The following POU2AF1 variants were observed in gnomAD, a reference collection of about 807,000 sequenced individuals.
POU2AF1 encodes the protein POU domain class 2-associating factor 1.
In POU2AF1, 12 loss-of-function variants were observed where a neutral mutation model predicts 26.3. The observed-to-expected ratio is 0.46, with a 90% CI of 0.29 to 0.74. The LOEUF (loss-of-function observed/expected upper bound fraction) is 0.74. Ranked by LOEUF, POU2AF1 falls within the 30% of genes least tolerant of loss-of-function variation. The probability of loss-of-function intolerance (pLI) is 0.09; values close to 1 mark genes in which losing one functional copy is unlikely to be tolerated. For missense variants in POU2AF1, 297 were observed against 334.5 expected, an observed-to-expected ratio of 0.89 and a Z score of 0.87; for synonymous variants, 175 against 148.0, an observed-to-expected ratio of 1.18 and a Z score of -1.32.
intron 1 of POU2AF1, 121 bp downstream of exon 1, chr11:111,379,013 CCCTCCCTGCTCCGGGGCTTGGAACCCAG>C: frequency 1.3e-6 from 1 of 760,432 alleles, no homozygotes; most frequent in Non-Finnish European, 2.1e-6. Flanking sequence ...CCCACCTCCC[CCCTCCCTGCTCCGGGGCTTGGAACCCAG>C]ACCCCCTCCC....
In POU2AF1 at chr11:111,352,887, C is replaced by T. The variant is rs563260616; in HGVS notation, c.*1374G>A. 15 of 175,794 alleles carry T rather than the reference C, an allele frequency of 8.5e-5. No homozygotes were observed. The highest frequency in any genetic ancestry group is 2.0e-4 in the South Asian group (1 of 4,992). The allele number at this position is 175,794 out of a possible 1,614,324, so 10.9% of individuals were successfully genotyped here. A position where few individuals can be genotyped will look rare whatever the true frequency, so the allele number is the denominator to read the frequency against. Reference sequence around the variant, plus strand: ...AGACAGAGGTGCAGTGAGCCAAGATCGCACCATTGTACTCCAGCCTGGGCA... The same window carrying T: ...AGACAGAGGTGCAGTGAGCCAAGATTGCACCATTGTACTCCAGCCTGGGCA... On this transcript the variant is annotated 3_prime_UTR_variant, in exon 5 of 5. Coordinates refer to ENST00000393067, the MANE Select transcript of POU2AF1 (RefSeq NM_006235.3).
Position 111,358,936 on chromosome 11 carries a change from C to G in POU2AF1, c.17-18G>C. 6.3e-7 allele frequency: 1 copy of G among 1,591,796 alleles called. No individual in the cohort carries two copies. The highest frequency in any genetic ancestry group is 1.1e-5 in the South Asian group (1 of 88,148). ...AGCTGTGGCTGTGAAAAGCAATGTCCCTGGAGCCCATGGTCCTTCTCAGAC... is the reference window on the plus strand; with the variant it reads ...AGCTGTGGCTGTGAAAAGCAATGTCGCTGGAGCCCATGGTCCTTCTCAGAC... On this transcript the variant is annotated intron_variant, in intron 1 of 4. Transcript: ENST00000393067.
At chr11:111,358,446 A>ACTCACACACACT in intron 2 of POU2AF1, among the ~76,000 whole-genome samples, 1 of 101,022 alleles carries the variant, frequency 9.9e-6, no homozygotes, top group Non-Finnish European at 2.2e-5. Context: ...TCACTCTCAC[A>ACTCACACACACT]CACACACACT....
chr11:111,361,289 G>A (rs941012740), intron 1 of POU2AF1, among the ~76,000 whole-genome samples: 5 of 152,172 alleles, frequency 3.3e-5, no homozygotes, highest in African/African-American at 9.7e-5. Context: ...TCTAGCAGGG[G>A]AACCAGCCTG....
At position 111,357,543 on chromosome 11, in the gene POU2AF1, C is replaced by A. The variant is rs757357203; in HGVS notation, c.358G>T (p.Ala120Ser). The A allele has an allele frequency of 2.9e-5, 47 of 1,613,996 alleles. No individual in the cohort carries two copies. Among genetic ancestry groups the A allele is most frequent in the Non-Finnish European group, 5.9e-6 (7 of 1,180,006 alleles). The change falls in exon 4 of 5, where the codon GCT (alanine) becomes TCT (serine). Residue 120 changes from alanine to serine, a missense_variant. Coordinates refer to ENST00000393067, the MANE Select transcript of POU2AF1 (RefSeq NM_006235.3). ...CACACGGGCTGCACATACATGTCAG[C>A]TGAGTAGGGGCAGCTGACAGCTTCA... is the stretch of plus-strand genomic sequence containing the variant. ...PHEAVSCPYSADMYVQPVCPS... is the reference protein window; with the variant it reads ...PHEAVSCPYSSDMYVQPVCPS...
chr11:111,358,168 C>A (rs1860890902), intron 2 of POU2AF1, among the ~76,000 whole-genome samples: 2 of 152,070 alleles, frequency 1.3e-5, no homozygotes, highest in Non-Finnish European at 2.9e-5. Flanking sequence ...GGCCCTGATC[C>A]CTCATCCCAG....
intron 1 of POU2AF1, among the ~76,000 whole-genome samples, chr11:111,378,585 A>G (rs2135145293): frequency 6.6e-6 from 1 of 152,298 alleles, no homozygotes; most frequent in African/African-American, 2.4e-5. Flanking sequence ...TTGTCACAGA[A>G]GGGGAAAAAG....
chr11:111,360,057 C>G, intron 1 of POU2AF1: 1 of 518,962 alleles, frequency 1.9e-6, no homozygotes, highest in Admixed American at 1.9e-5. Flanking sequence ...AGCCAGGAAA[C>G]CAAAGCATTG....
chr11:111,368,638 A>C (rs1301992987), intron 1 of POU2AF1, among the ~76,000 whole-genome samples: 1 of 152,202 alleles, frequency 6.6e-6, no homozygotes, highest in Non-Finnish European at 1.5e-5. Context: ...GAGAGGAAGA[A>C]GGACCCAGTG....
At chr11:111,370,183 G>A (rs976634280) in intron 1 of POU2AF1, among the ~76,000 whole-genome samples, 10 of 152,148 alleles carry the variant, frequency 6.6e-5, no homozygotes, top group African/African-American at 2.4e-4. Context: ...TGGTCAAGAG[G>A]AGCTTTCTGG....
At chr11:111,356,115 A>G (rs1333859024) in intron 4 of POU2AF1, among the ~76,000 whole-genome samples, 2 of 152,246 alleles carry the variant, frequency 1.3e-5, no homozygotes, top group Non-Finnish European at 2.9e-5. Context: ...TTCTTAATGA[A>G]TACTGTTTGT....
intron 1 of POU2AF1, 98 bp downstream of exon 1, chr11:111,379,064 T>A (rs1861370084): frequency 5.3e-5 from 71 of 1,343,966 alleles, no homozygotes; most frequent in Middle Eastern, 2.4e-4. Context: ...CGTGGCCCCA[T>A]CACCTCCACC....
At chr11:111,366,344 CAGGGGGAGAAAACTGACGTTAA>C (rs1209022901) in intron 1 of POU2AF1, among the ~76,000 whole-genome samples, 1 of 152,140 alleles carries the variant, frequency 6.6e-6, no homozygotes, top group Non-Finnish European at 1.5e-5. Flanking sequence ...AAAAAGACAG[CAGGGGGAGAAAACTGACGTTAA>C]AGGTGGTTGG....
At chr11:111,368,763 C>A (rs1861153697) in intron 1 of POU2AF1, among the ~76,000 whole-genome samples, 1 of 152,238 alleles carries the variant, frequency 6.6e-6, no homozygotes, top group Non-Finnish European at 1.5e-5. Context: ...AATCACTTAA[C>A]CATTGTGTGC....
chr11:111,375,490 G>A (rs11213859), intron 1 of POU2AF1, among the ~76,000 whole-genome samples: 97,002 of 146,174 alleles, frequency 0.66, 32,879 homozygotes, highest in Admixed American at 0.79. Flanking sequence ...TCCGCCTCCC[G>A]GGTTCATGCC....
At chr11:111,355,072 C>T (rs751284835) in intron 4 of POU2AF1, among the ~76,000 whole-genome samples, 5 of 152,220 alleles carry the variant, frequency 3.3e-5, no homozygotes, top group Non-Finnish European at 7.3e-5. Context: ...CACACAACAG[C>T]TTTGGAGGTC....
rs1860766496 is a variant in POU2AF1 at position 111,353,055 on chromosome 11, A to T, written c.*1206T>A. The T allele has an allele frequency of 1.0e-5, 2 of 195,926 alleles. No individual in the cohort carries two copies. Among genetic ancestry groups the T allele is most frequent in the East Asian group, 1.4e-4 (2 of 14,442 alleles). 12.1% of individuals were successfully genotyped at this position (195,926 alleles called of 1,614,324 possible). Reference sequence around the variant, plus strand: ...GAAGGAAGGAAGGAAGGAAGGAAGGAAAGAAACAAAACCCACATGGTAGCA... The same window carrying T: ...GAAGGAAGGAAGGAAGGAAGGAAGGTAAGAAACAAAACCCACATGGTAGCA... On this transcript the variant is annotated 3_prime_UTR_variant, in exon 5 of 5. Coordinates refer to ENST00000393067, the MANE Select transcript of POU2AF1 (RefSeq NM_006235.3).
intron 1 of POU2AF1, among the ~76,000 whole-genome samples, chr11:111,362,039 G>C (rs900781907): frequency 1.3e-5 from 2 of 152,162 alleles, no homozygotes; most frequent in African/African-American, 2.4e-5. Context: ...TTTCCCTACT[G>C]CTGGGTGGTG....
intron 4 of POU2AF1, 105 bp from the exon 5 acceptor site, chr11:111,354,680 T>C (rs1860809102): frequency 9.7e-7 from 1 of 1,035,250 alleles, no homozygotes; most frequent in Admixed American, 3.5e-5. Flanking sequence ...TTCTGCCCTT[T>C]CCTGGTTTCT....
Sources: allele counts gnomAD v4.1 joint callset (sites outside exome capture counted in the v4.1 genomes callset), GRCh38; gene constraint gnomAD v4.1.1; transcripts MANE v1.5; gene names NCBI Gene and HGNC (gene_info 2026-07-23, HGNC 2026-07-21).